Variants in SH3BP5L observed in about 807,000 individuals in gnomAD.
SH3BP5L encodes SH3 domain-binding protein 5-like.
A neutral mutation model predicts 40.9 loss-of-function variants in SH3BP5L; 16 were observed. The ratio of observed to expected loss-of-function variants is 0.39; its 90% CI spans 0.27 to 0.59. SH3BP5L has a LOEUF of 0.59. Among genes scored for constraint, SH3BP5L ranks in the 20% least tolerant of loss-of-function variants. SH3BP5L has a pLI of 0.53. For synonymous variants in SH3BP5L, 229 were observed against 226.7 expected (o/e 1.01, Z -0.09); for missense variants, 471 against 544.6 (o/e 0.86, Z 1.35).
intron 2 of SH3BP5L, among the ~76,000 whole-genome samples, chr1:248,824,142 A>G (rs151136967): frequency 3.3e-5 from 5 of 152,314 alleles, no homozygotes; most frequent in Admixed American, 2.6e-4. Flanking sequence ...GTATGTTACT[A>G]AGGATTGGCC....
In SH3BP5L at chr1:248,812,774, G is replaced by A. The variant is rs969388561; in HGVS notation, c.711+215C>T. On this transcript the variant is annotated intron_variant, in intron 6 of 6. Transcript: ENST00000366472. The surrounding 1 kb of genome is among the most constrained non-coding windows in gnomAD (Gnocchi z 6.1). ...TGTTTACCTCCCTTCTTCCAACTACGTTCTCGCCGTCACCAGCCCCCATCA... is the reference window on the plus strand; with the variant it reads ...TGTTTACCTCCCTTCTTCCAACTACATTCTCGCCGTCACCAGCCCCCATCA... 2.6e-5 allele frequency among the ~76,000 whole-genome samples: 4 copies of A among 151,870 alleles called. No homozygotes were observed. The highest frequency in any genetic ancestry group is 7.3e-5 in the African/African-American group (3 of 41,280).
chr1:248,821,414 G>A lies in SH3BP5L; in HGVS notation c.183+3339C>T, dbSNP rs1431221179. 2.0e-5 allele frequency among the ~76,000 whole-genome samples: 3 copies of A among 152,152 alleles called. No individual in the cohort carries two copies. The highest frequency in any genetic ancestry group is 7.2e-5 in the African/African-American group (3 of 41,426). On this transcript the variant is annotated intron_variant, in intron 2 of 6. Transcript: ENST00000366472. The surrounding 1 kb of genome is among the most constrained non-coding windows in gnomAD (Gnocchi z 4.6). ...AATCAAAGGCATGGGGACTCAGGCTGCAGATGCTCCCACCCCACCTAGTGC... is the reference window on the plus strand; with the variant it reads ...AATCAAAGGCATGGGGACTCAGGCTACAGATGCTCCCACCCCACCTAGTGC...
rs1002413396 is a variant in SH3BP5L at position 248,825,323 on chromosome 1, GGC to G, written c.-390_-389del. 2.0e-6 allele frequency: 2 copies of G among 1,010,730 alleles called. No individual in the cohort carries two copies. Among genetic ancestry groups the G allele is most frequent in the African/African-American group, 3.5e-5 (2 of 57,902 alleles). 62.6% of individuals were successfully genotyped at this position (1,010,730 alleles called of 1,614,324 possible). A position where few individuals can be genotyped will look rare whatever the true frequency, so the allele number is the denominator to read the frequency against. ...GCTGTGGTGGCAGCTGGAGAGAGAA[GGC>G]TGGGCCCGAGCTGAGGCTGTAGGAT... On this transcript the variant is annotated 5_prime_UTR_variant, in exon 2 of 7. Coordinates refer to ENST00000366472, the MANE Select transcript of SH3BP5L (RefSeq NM_030645.3).
intron 4 of SH3BP5L, 115 bp downstream of exon 4, chr1:248,816,419 C>G: frequency 7.1e-7 from 1 of 1,411,178 alleles, no homozygotes; most frequent in Non-Finnish European, 9.8e-7. Flanking sequence ...CCAGGTCTAG[C>G]CCAGGGCTCT....
chr1:248,813,037 C>T lies in SH3BP5L; in HGVS notation c.663G>A (p.Lys221=). The T allele has an allele frequency of 6.2e-7, 1 of 1,609,180 alleles. No homozygotes were observed. Among genetic ancestry groups the T allele is most frequent in the South Asian group, 1.1e-5 (1 of 90,606 alleles). The part of the protein sequence containing the change: ...LQKTLRRAIG[K]SRPYFELKAQ... ...CCTTGAGCTCAAAGTAGGGGCGGCT[C>T]TTGCCGATGGCCCTCCGGAGGGTCT... The change falls in exon 6 of 7, where the codon AAG becomes AAA. Residue 221 remains lysine (K), a synonymous_variant. Transcript: ENST00000366472.
Position 248,824,945 on chromosome 1 carries a change from G to C in SH3BP5L, c.-10C>G. ...GTCTGAGCTCAGCCATGCTGACAGG[G>C]GGAGGGCAGAGCCCTATGCACAAGA... On this transcript the variant is annotated 5_prime_UTR_variant, in exon 2 of 7. Coordinates refer to ENST00000366472, the MANE Select transcript of SH3BP5L (RefSeq NM_030645.3). The C allele has an allele frequency of 6.2e-7, 1 of 1,610,522 alleles. No homozygotes were observed. The highest frequency in any genetic ancestry group is 8.5e-7 in the Non-Finnish European group (1 of 1,178,608).
intron 1 of SH3BP5L, 162 bp downstream of exon 1, chr1:248,825,673 T>A (rs1388064302): frequency 1.6e-5 from 3 of 183,306 alleles, no homozygotes; most frequent in African/African-American, 2.4e-5. Context: ...CCAGCCCGGC[T>A]TTGCGATTCA....
chr1:248,812,616 CACCTTCCAGA>C lies in SH3BP5L; in HGVS notation c.712-256_712-247del, dbSNP rs1366161065. Among the ~76,000 whole-genome samples, 4 of 151,908 alleles carry C rather than the reference CACCTTCCAGA, an allele frequency of 2.6e-5. No individual in the cohort carries two copies. The highest frequency in any genetic ancestry group is 9.7e-5 in the African/African-American group (4 of 41,172). ...GCAATCCTGCTCCTGACCTGAGCCCCACCTTCCAGAGCCTTCCTCTCAGGCCTTCCTCTCC... is the reference window on the plus strand; with the variant it reads ...GCAATCCTGCTCCTGACCTGAGCCCCGCCTTCCTCTCAGGCCTTCCTCTCC... On this transcript the variant is annotated intron_variant, in intron 6 of 6. Transcript: ENST00000366472. The surrounding 1 kb of genome is among the most constrained non-coding windows in gnomAD (Gnocchi z 6.1).
chr1:248,811,995 G>A lies in SH3BP5L; in HGVS notation c.1087C>T (p.Leu363=). 6.2e-7 allele frequency: 1 copy of A among 1,607,450 alleles called. No homozygotes were observed. The highest frequency in any genetic ancestry group is 8.5e-7 in the Non-Finnish European group (1 of 1,177,866). ...HLRGLSDHVS[L]DGQELGTRSG... Reference sequence around the variant, plus strand: ...CGCGTTCCCAGCTCTTGGCCGTCCAGACTGACGTGGTCCGAGAGGCCTCGC... The same window carrying A: ...CGCGTTCCCAGCTCTTGGCCGTCCAAACTGACGTGGTCCGAGAGGCCTCGC... Residue 363 remains leucine, a synonymous_variant, in exon 7 of 7, where the codon CTG becomes TTG. Transcript: ENST00000366472.
At position 248,812,209 on chromosome 1, in the gene SH3BP5L, G is replaced by C. The variant is rs764376654; in HGVS notation, c.873C>G (p.Pro291=). The change falls in exon 7 of 7, where the codon CCC becomes CCG. Residue 291 remains proline (P), a synonymous_variant. Transcript: ENST00000366472. The surrounding 1 kb of genome is among the most constrained non-coding windows in gnomAD (Gnocchi z 6.1). ...PHPLGPRRSS[P]VGAEAGPEDM... Reference sequence around the variant, plus strand: ...CCTCGGGTCCTGCCTCGGCCCCCACGGGGGAGGAGCGCCGAGGGCCCAGGG... The same window carrying C: ...CCTCGGGTCCTGCCTCGGCCCCCACCGGGGAGGAGCGCCGAGGGCCCAGGG... 1.2e-6 allele frequency: 2 copies of C among 1,604,576 alleles called. No individual in the cohort carries two copies. The highest frequency in any genetic ancestry group is 4.5e-5 in the East Asian group (2 of 44,750).
intron 2 of SH3BP5L, among the ~76,000 whole-genome samples, chr1:248,822,561 G>A (rs924575508): frequency 2.6e-5 from 4 of 152,188 alleles, no homozygotes; most frequent in African/African-American, 4.8e-5. Flanking sequence ...TAAGTCTTAC[G>A]CTACCTCAGT....
At position 248,821,902 on chromosome 1, in the gene SH3BP5L, G is replaced by C. The variant is rs1261521917; in HGVS notation, c.183+2851C>G. ...GAGCCCCAGCCCCAGGTCAGACAGG[G>C]CCTCATCCGAAGGACAGCCATTTCC... On this transcript the variant is annotated intron_variant, in intron 2 of 6. Coordinates refer to ENST00000366472, the MANE Select transcript of SH3BP5L (RefSeq NM_030645.3). The surrounding 1 kb of genome is among the most constrained non-coding windows in gnomAD (Gnocchi z 4.6). Among the ~76,000 whole-genome samples the C allele has an allele frequency of 6.6e-6, 1 of 152,204 alleles. No homozygotes were observed. Among genetic ancestry groups the C allele is most frequent in the Non-Finnish European group, 1.5e-5 (1 of 68,036 alleles).
At chr1:248,823,951 C>G (rs1013948812) in intron 2 of SH3BP5L, among the ~76,000 whole-genome samples, 5 of 152,226 alleles carry the variant, frequency 3.3e-5, no homozygotes, top group Admixed American at 2.6e-4. Context: ...CCCTGAAACA[C>G]TGCAACCCAG....
At position 248,813,380 on chromosome 1, in the gene SH3BP5L, G is replaced by A. The variant is rs547861871; in HGVS notation, c.538-218C>T. The stretch of plus-strand genomic sequence containing the variant: ...TCTCTCTTGGATCTGCTGCCTGACC[G>A]TCGAGGACCACATCACAGGCACATG... On this transcript the variant is annotated intron_variant, in intron 5 of 6. Transcript: ENST00000366472. 46 of 428,676 alleles carry A rather than the reference G, an allele frequency of 1.1e-4. No individual in the cohort carries two copies. In the East Asian group the frequency reaches 1.2e-3, roughly 11 times the overall value. The allele number at this position is 428,676 out of a possible 1,614,324, so 26.6% of individuals were successfully genotyped here. A position where few individuals can be genotyped will look rare whatever the true frequency, so the allele number is the denominator to read the frequency against.
chr1:248,823,126 G>T (rs1327545611), intron 2 of SH3BP5L, among the ~76,000 whole-genome samples: 1 of 152,244 alleles, frequency 6.6e-6, no homozygotes, highest in Non-Finnish European at 1.5e-5. Flanking sequence ...TAGAGGCCAA[G>T]TAAAGAGACC....
rs1168923405 is a variant in SH3BP5L at position 248,812,311 on chromosome 1, G to A, written c.771C>T (p.Tyr257=). ...EQQVAQAKTR[Y]SVALRNLEQI... is the part of the protein sequence containing the mutation. ...GCTCCAGGTTACGAAGGGCCACGGA[G>A]TAGCGCGTCTTGGCCTGAGCTACCT... The change falls in exon 7 of 7, where the codon TAC becomes TAT. Residue 257 remains tyrosine, a synonymous_variant. Coordinates refer to ENST00000366472, the MANE Select transcript of SH3BP5L (RefSeq NM_030645.3). The surrounding 1 kb of genome is among the most constrained non-coding windows in gnomAD (Gnocchi z 6.1). 1.2e-5 allele frequency: 19 copies of A among 1,610,880 alleles called. No homozygotes were observed. Among genetic ancestry groups the A allele is most frequent in the Non-Finnish European group, 1.6e-5 (19 of 1,180,012 alleles).
chr1:248,813,383 G>A lies in SH3BP5L; in HGVS notation c.538-221C>T, dbSNP rs114738308. On this transcript the variant is annotated intron_variant, in intron 5 of 6. Coordinates refer to ENST00000366472, the MANE Select transcript of SH3BP5L (RefSeq NM_030645.3). ...CTCTTGGATCTGCTGCCTGACCGTCGAGGACCACATCACAGGCACATGCCT... is the reference window on the plus strand; with the variant it reads ...CTCTTGGATCTGCTGCCTGACCGTCAAGGACCACATCACAGGCACATGCCT... 1,961 of 427,168 alleles carry A rather than the reference G, an allele frequency of 4.6e-3. 39 individuals are homozygous for A. Among genetic ancestry groups the A allele is most frequent in the African/African-American group, 0.036 (1,771 of 49,238 alleles). The allele number at this position is 427,168 out of a possible 1,614,324, so 26.5% of individuals were successfully genotyped here.
intron 2 of SH3BP5L, among the ~76,000 whole-genome samples, chr1:248,818,277 G>A (rs949474521): frequency 2.6e-5 from 4 of 152,084 alleles, no homozygotes; most frequent in Admixed American, 6.5e-5. Flanking sequence ...GAACCCGGGG[G>A]GCAGGGATTG....
At position 248,811,673 on chromosome 1, in the gene SH3BP5L, C is replaced by G. The variant is rs891972466; in HGVS notation, c.*227G>C. 2 of 458,172 alleles carry G rather than the reference C, an allele frequency of 4.4e-6. No homozygotes were observed. The highest frequency in any genetic ancestry group is 4.2e-5 in the South Asian group (1 of 23,726). The allele number at this position is 458,172 out of a possible 1,614,324, so 28.4% of individuals were successfully genotyped here. ...AGGCAGACAGAGCGCCGAGGGCGAG[C>G]CTTCTGAATGGGTAAGGCAAAGAGA... On this transcript the variant is annotated 3_prime_UTR_variant, in exon 7 of 7. Coordinates refer to ENST00000366472, the MANE Select transcript of SH3BP5L (RefSeq NM_030645.3).
Sources: allele counts gnomAD v4.1 joint callset (sites outside exome capture counted in the v4.1 genomes callset), GRCh38; gene constraint gnomAD v4.1.1; non-coding constraint Gnocchi (gnomAD v3.1); transcripts MANE v1.5; gene names NCBI Gene and HGNC (gene_info 2026-07-23, HGNC 2026-07-21).